Variants in KLHL32 observed in about 807,000 individuals in gnomAD.
KLHL32 encodes the protein kelch like family member 32.
Under a neutral mutation model 64.8 loss-of-function variants are expected in KLHL32, and 35 were observed. That is an observed-to-expected ratio of 0.54 (90% CI 0.41 to 0.72). KLHL32 has a LOEUF of 0.72. Among genes scored for constraint, KLHL32 ranks in the 30% least tolerant of loss-of-function variants. The pLI, the probability that KLHL32 is intolerant of heterozygous loss-of-function variation, is 0.00. For synonymous variants in KLHL32, 259 were observed against 281.0 expected (o/e 0.92, Z 0.78); for missense variants, 589 against 768.5 (o/e 0.77, Z 2.76).
chr6:97,062,333 G>A (rs577558214), intron 4 of KLHL32: 1 of 152,270 alleles, frequency 6.6e-6, no homozygotes, highest in Admixed American at 6.5e-5. Flanking sequence ...TCCTCCTTAG[G>A]CCATGCCTCT....
At chr6:97,082,638 A>T (rs1792749550) in intron 5 of KLHL32, among the ~76,000 whole-genome samples, 1 of 151,902 alleles carries the variant, frequency 6.6e-6, no homozygotes, top group East Asian at 1.9e-4. Context: ...AATAAATAAA[A>T]AGAAAGAAAA....
intron 2 of KLHL32, among the ~76,000 whole-genome samples, chr6:96,971,292 A>T (rs886753638): frequency 5.9e-5 from 9 of 152,212 alleles, no homozygotes; most frequent in Non-Finnish European, 1.0e-4. Flanking sequence ...AACTGACAGA[A>T]CTTAGTCAAA....
At chr6:96,909,597 A>G in the KLHL32 span, among the ~76,000 whole-genome samples, 3 of 152,188 alleles carry the variant, frequency 2.0e-5, no homozygotes, top group Non-Finnish European at 2.9e-5. Flanking sequence ...CTCAGCAGAG[A>G]TAGGGGAAAC....
chr6:97,087,517 A>G (rs1227329480), intron 6 of KLHL32, among the ~76,000 whole-genome samples: 1 of 152,218 alleles, frequency 6.6e-6, no homozygotes, highest in Non-Finnish European at 1.5e-5. Flanking sequence ...TAAAGTGCTC[A>G]TTGACTTTGA....
chr6:97,095,905 A>G (rs1414942055), intron 6 of KLHL32, among the ~76,000 whole-genome samples: 1 of 152,180 alleles, frequency 6.6e-6, no homozygotes, highest in Non-Finnish European at 1.5e-5. Flanking sequence ...GCAGAAAGTC[A>G]TATGCAAGAT....
intron 1 of KLHL32, among the ~76,000 whole-genome samples, chr6:96,954,312 A>ATT (rs71012579): frequency 0.039 from 3,517 of 89,394 alleles, 192 homozygotes; most frequent in African/African-American, 0.13. Context: ...CTTTCCTTCA[A>ATT]TTTTTTTTTT....
At chr6:97,132,850 G>A in intron 10 of KLHL32, 103 bp downstream of exon 10, 1 of 785,890 alleles carries the variant, frequency 1.3e-6, no homozygotes, top group Non-Finnish European at 2.0e-6. Context: ...TTAGAAAGAG[G>A]CTTAACGTCC....
intron 3 of KLHL32, among the ~76,000 whole-genome samples, chr6:97,027,569 T>C (rs983312470): frequency 2.0e-5 from 3 of 149,656 alleles, no homozygotes; most frequent in African/African-American, 7.5e-5. Flanking sequence ...ACCAAAATAA[T>C]TGGGGGAAAA....
chr6:97,104,150 A>G (rs1426960948), intron 6 of KLHL32, among the ~76,000 whole-genome samples: 4 of 152,226 alleles, frequency 2.6e-5, no homozygotes, highest in African/African-American at 7.2e-5. Flanking sequence ...TCATCTTGAT[A>G]TAAAATTTAC....
At chr6:96,969,040 T>C (rs1383940480) in intron 2 of KLHL32, among the ~76,000 whole-genome samples, 1 of 152,126 alleles carries the variant, frequency 6.6e-6, no homozygotes, top group African/African-American at 2.4e-5. Context: ...TCGGGGTCAT[T>C]GTCCTTTATT....
At chr6:96,996,867 G>A (rs1459759576) in intron 3 of KLHL32, among the ~76,000 whole-genome samples, 4 of 152,170 alleles carry the variant, frequency 2.6e-5, no homozygotes, top group Admixed American at 1.3e-4. Context: ...AGAACAGGAA[G>A]CCCAAATTTT....
intron 3 of KLHL32, among the ~76,000 whole-genome samples, chr6:96,995,575 C>T (rs1055252043): frequency 2.0e-5 from 3 of 152,172 alleles, no homozygotes; most frequent in Non-Finnish European, 1.5e-5. Flanking sequence ...CCTTTGTTCC[C>T]TTGTCTGTTT....
intron 3 of KLHL32, among the ~76,000 whole-genome samples, chr6:97,016,535 G>A (rs1781221097): frequency 6.6e-6 from 1 of 152,192 alleles, no homozygotes; most frequent in African/African-American, 2.4e-5. Flanking sequence ...TTTTATCTAG[G>A]AAGTAACTAA....
chr6:96,994,640 A>G, intron 3 of KLHL32: 6 of 983,910 alleles, frequency 6.1e-6, no homozygotes, highest in Non-Finnish European at 7.2e-6. Flanking sequence ...TCTTGTTTAA[A>G]ATATGATTAA....
chr6:96,999,153 T>C (rs1185075030), intron 3 of KLHL32, among the ~76,000 whole-genome samples: 2 of 152,156 alleles, frequency 1.3e-5, no homozygotes, highest in Non-Finnish European at 2.9e-5. Flanking sequence ...CTCAACACTT[T>C]AGGAGGCTGA....
In KLHL32 at chr6:97,038,341, A is replaced by G. The variant is rs557204100; in HGVS notation, c.205-3151A>G. Among the ~76,000 whole-genome samples the G allele has an allele frequency of 1.7e-3, 256 of 151,904 alleles. 2 individuals carry two copies. The highest frequency in any genetic ancestry group is 6.8e-3 in the Middle Eastern group (2 of 294). On this transcript the variant is annotated intron_variant, in intron 3 of 10. Coordinates refer to ENST00000369261, the MANE Select transcript of KLHL32 (RefSeq NM_052904.4). ...GTTCACTAGCAAAAAAAAAAAATCC[A>G]ATTTAAAAATGGGCAAAAATAGATA...
chr6:97,027,262 T>TG (rs1293243489), intron 3 of KLHL32, among the ~76,000 whole-genome samples: 3 of 152,146 alleles, frequency 2.0e-5, no homozygotes, highest in Non-Finnish European at 4.4e-5. Flanking sequence ...TGTCTGCTCC[T>TG]GGTCCCTATT....
intron 4 of KLHL32, among the ~76,000 whole-genome samples, chr6:97,045,842 G>A (rs945020650): frequency 1.3e-5 from 2 of 152,184 alleles, no homozygotes; most frequent in Admixed American, 6.5e-5. Context: ...AACCTACTTG[G>A]AAAGCAGGAA....
intron 3 of KLHL32, among the ~76,000 whole-genome samples, chr6:97,012,930 A>T (rs1467306799): frequency 6.6e-6 from 1 of 152,192 alleles, no homozygotes; most frequent in Non-Finnish European, 1.5e-5. Context: ...CACCTTCCTC[A>T]GCACTCTAAG....
Sources: allele counts gnomAD v4.1 joint callset (sites outside exome capture counted in the v4.1 genomes callset), GRCh38; gene constraint gnomAD v4.1.1; transcripts MANE v1.5; gene names NCBI Gene and HGNC (gene_info 2026-07-23, HGNC 2026-07-21).